The following TENM4 variants were observed in gnomAD, a reference collection of about 807,000 sequenced individuals.
TENM4 encodes teneurin transmembrane protein 4.
In TENM4, 82 loss-of-function variants were observed where a neutral mutation model predicts 243.3. The observed-to-expected ratio is 0.34, with a 90% CI of 0.28 to 0.40. TENM4 has a LOEUF of 0.40. Among genes scored for constraint, TENM4 ranks in the 10% least tolerant of loss-of-function variants. The pLI is 1.00. For synonymous variants in TENM4, 1,412 were observed against 1,456.3 expected (o/e 0.97, Z 0.69); for missense variants, 3,138 against 3,673.3 (o/e 0.85, Z 3.77).
Position 78,708,438 on chromosome 11 carries a change from T to A in TENM4, c.4132A>T (p.Ile1378Phe). The A allele has an allele frequency of 6.2e-7, 1 of 1,614,050 alleles. No homozygotes were observed. The highest frequency in any genetic ancestry group is 8.5e-7 in the Non-Finnish European group (1 of 1,179,902). ...TCATTAGAGCCGAGCAGGGTGGAGA[T>A]GATCCCATTCTGATCGATGCGTCTG... is the stretch of plus-strand genomic sequence containing the variant. ...MIRRIDQNGI[I>F]STLLGSNDLT... The change falls in exon 27 of 34, where the codon ATC (isoleucine) becomes TTC (phenylalanine). Residue 1378 changes from isoleucine to phenylalanine, a missense_variant. This residue lies in a region of TENM4 where 2,467 missense variants were observed against 3,059.1 expected (regional missense o/e 0.81). Transcript: ENST00000278550.
At chr11:78,697,856 G>T (rs756314613) in intron 28 of TENM4, among the ~76,000 whole-genome samples, 8 of 152,134 alleles carry the variant, frequency 5.3e-5, no homozygotes, top group Non-Finnish European at 1.0e-4. Context: ...TACTTATGAG[G>T]CCATTTTCTC....
At chr11:79,234,644 T>A (rs1055985341) in intron 2 of TENM4, among the ~76,000 whole-genome samples, 2 of 152,154 alleles carry the variant, frequency 1.3e-5, no homozygotes, top group African/African-American at 4.8e-5. Flanking sequence ...TCCTGGGAGT[T>A]CTCAGAGGCT....
At chr11:78,990,820 G>A (rs940710945) in intron 6 of TENM4, among the ~76,000 whole-genome samples, 2 of 152,108 alleles carry the variant, frequency 1.3e-5, no homozygotes, top group African/African-American at 2.4e-5. Flanking sequence ...TATTTAAAAT[G>A]TTCATGCCGG....
chr11:78,714,126 C>A lies in TENM4; in HGVS notation c.3822-1412G>T, dbSNP rs545670322. ...CCAGCAGGGCCAGAGCACTGCAGAC[C>A]CCCTTCAAGATGAAAGCAAGAGAAT... On this transcript the variant is annotated intron_variant, in intron 25 of 33. Transcript: ENST00000278550. Among the ~76,000 whole-genome samples the A allele has an allele frequency of 9.2e-5, 14 of 152,234 alleles. No individual in the cohort carries two copies. The South Asian group carries it at 1.0e-3, about 11-fold the overall frequency.
chr11:79,034,720 C>T (rs1258715704), intron 6 of TENM4, among the ~76,000 whole-genome samples: 1 of 152,012 alleles, frequency 6.6e-6, no homozygotes, highest in African/African-American at 2.4e-5. Flanking sequence ...CTGGAAAATG[C>T]CTGGATAACA....
intron 12 of TENM4, among the ~76,000 whole-genome samples, chr11:78,845,219 G>A (rs1858361898): frequency 6.6e-6 from 1 of 152,188 alleles, no homozygotes; most frequent in Non-Finnish European, 1.5e-5. Flanking sequence ...TTTATTCACT[G>A]TGAAGCCTCT....
At chr11:79,374,402 T>C (rs1857848776) in intron 1 of TENM4, among the ~76,000 whole-genome samples, 1 of 152,044 alleles carries the variant, frequency 6.6e-6, no homozygotes, top group Admixed American at 6.5e-5. Flanking sequence ...CGATAAACAT[T>C]TTACATACTG....
rs1855943611 is a variant in TENM4 at position 79,270,079 on chromosome 11, G to GAAC, written c.-265+27408_-265+27409insGTT. Among the ~76,000 whole-genome samples the GAAC allele has an allele frequency of 2.0e-5, 3 of 151,910 alleles. No individual in the cohort carries two copies. The South Asian group carries it at 6.3e-4, about 32-fold the overall frequency. ...AGACTCCTCAGTGATTGCTGGATTT[G>GAAC]TCCCCAGGTTCCCATCCCCCTAGCA... On this transcript the variant is annotated intron_variant, in intron 2 of 33. Coordinates refer to ENST00000278550, the MANE Select transcript of TENM4 (RefSeq NM_001098816.3).
chr11:79,094,409 T>C (rs973288570), intron 4 of TENM4, among the ~76,000 whole-genome samples: 5 of 152,126 alleles, frequency 3.3e-5, no homozygotes, highest in Admixed American at 6.5e-5. Context: ...CAAGACCCCA[T>C]GCCTAGGAAA....
chr11:79,154,242 C>T (rs367810195), intron 3 of TENM4, among the ~76,000 whole-genome samples: 2 of 151,892 alleles, frequency 1.3e-5, no homozygotes, highest in African/African-American at 4.8e-5. Context: ...TTCCAATCAT[C>T]GGGGAAGGAG....
chr11:78,863,186 C>T (rs1306463169), intron 9 of TENM4, 54 bp from the exon 10 acceptor site: 3 of 1,433,882 alleles, frequency 2.1e-6, no homozygotes, highest in Non-Finnish European at 2.8e-6. Flanking sequence ...AGAAACGGGA[C>T]TCCCAAGCCA....
At chr11:78,874,978 C>T (rs374874907) in intron 9 of TENM4, among the ~76,000 whole-genome samples, 3 of 152,322 alleles carry the variant, frequency 2.0e-5, no homozygotes, top group South Asian at 4.1e-4. Flanking sequence ...TGACAATCTA[C>T]TCATGCTGGA....
At chr11:79,059,837 A>G (rs1199012099) in intron 6 of TENM4, among the ~76,000 whole-genome samples, 1 of 152,222 alleles carries the variant, frequency 6.6e-6, no homozygotes, top group Non-Finnish European at 1.5e-5. Flanking sequence ...GCCTTGCCCA[A>G]GATCTCAGAG....
intron 9 of TENM4, among the ~76,000 whole-genome samples, chr11:78,888,008 T>C (rs1855582482): frequency 6.6e-6 from 1 of 152,194 alleles, no homozygotes; most frequent in African/African-American, 2.4e-5. Context: ...GGTGGTGACA[T>C]ACTATTCGTG....
Position 79,179,517 on chromosome 11 carries a change from G to A in TENM4, c.-162-30711C>T, listed in dbSNP as rs79795862. Among the ~76,000 whole-genome samples, 1,078 of 152,056 alleles carry A rather than the reference G, an allele frequency of 7.1e-3. 19 individuals are homozygous for A. Among genetic ancestry groups the A allele is most frequent in the African/African-American group, 0.025 (1,028 of 41,526 alleles). ...AAACTGGAGGCCTTCAAAACAAGAT[G>A]ATTAAGATAGTCCATTGAAATTTGG... On this transcript the variant is annotated intron_variant, in intron 3 of 33. Coordinates refer to ENST00000278550, the MANE Select transcript of TENM4 (RefSeq NM_001098816.3).
At chr11:78,942,677 C>A (rs1329859876) in intron 6 of TENM4, among the ~76,000 whole-genome samples, 4 of 152,104 alleles carry the variant, frequency 2.6e-5, no homozygotes, top group Non-Finnish European at 5.9e-5. Context: ...CCCAGAGGAG[C>A]CAGTGGGCAA....
chr11:78,790,370 A>C (rs958460066), intron 15 of TENM4, among the ~76,000 whole-genome samples: 1 of 152,234 alleles, frequency 6.6e-6, no homozygotes, highest in African/African-American at 2.4e-5. Flanking sequence ...CCATTTCTGT[A>C]AAATGGGGTT....
At chr11:78,793,903 CT>C (rs1282690287) in intron 15 of TENM4, among the ~76,000 whole-genome samples, 1 of 152,194 alleles carries the variant, frequency 6.6e-6, no homozygotes, top group Admixed American at 6.6e-5. Flanking sequence ...AGTGTATCCC[CT>C]GATTGTTAAT....
chr11:78,919,680 A>G (rs766270578), intron 6 of TENM4, among the ~76,000 whole-genome samples: 1 of 152,150 alleles, frequency 6.6e-6, no homozygotes, highest in Non-Finnish European at 1.5e-5. Flanking sequence ...AAGACGTCTG[A>G]ATGCCTAGAT....
Sources: gnomAD v4.1 joint callset for allele counts (sites outside exome capture counted in the v4.1 genomes callset) on GRCh38, gnomAD v4.1.1 for gene constraint, gnomAD v4.1.1 regional missense constraint, MANE v1.5 for transcripts, NCBI Gene and HGNC (gene_info 2026-07-23, HGNC 2026-07-21) for gene names.